The following ERAP1 variants were observed in gnomAD, a reference collection of about 807,000 sequenced individuals.
ERAP1 encodes the protein adipocyte-derived leucine aminopeptidase.
Under a neutral mutation model 103.7 loss-of-function variants are expected in ERAP1, and 86 were observed. The ratio of observed to expected loss-of-function variants is 0.83; its 90% CI spans 0.70 to 0.99. The LOEUF is 0.99. Among genes scored for constraint, ERAP1 ranks in the 50% least tolerant of loss-of-function variants. The pLI is 0.00. For synonymous variants in ERAP1, 398 were observed against 402.4 expected, an observed-to-expected ratio of 0.99 and a Z score of 0.13; for missense variants, 1,009 against 1,128.4, an observed-to-expected ratio of 0.89 and a Z score of 1.52.
chr5:96,859,386 G>A, the ERAP1 span, among the ~76,000 whole-genome samples: 1 of 152,112 alleles, frequency 6.6e-6, no homozygotes, highest in Non-Finnish European at 1.5e-5. Context: ...GTTGAGTTGA[G>A]GGAACAGTTC....
At chr5:96,891,439 A>G in the ERAP1 span, among the ~76,000 whole-genome samples, 1 of 150,032 alleles carries the variant, frequency 6.7e-6, no homozygotes, top group African/African-American at 2.5e-5. Context: ...ACAGGTACAT[A>G]TATATGTATA....
At chr5:96,811,231 C>T (rs1219529686), upstream of ERAP1, among the ~76,000 whole-genome samples, 4 of 152,106 alleles carry the variant, frequency 2.6e-5, no homozygotes, top group African/African-American at 9.7e-5. Flanking sequence ...TATTAATAAT[C>T]AGAAACAGGG....
the ERAP1 span, chr5:96,909,912 T>C: frequency 5.9e-5 from 42 of 715,738 alleles, no homozygotes; most frequent in Middle Eastern, 8.1e-4. Flanking sequence ...TGCTCTCACA[T>C]TGTAAGTGCT....
chr5:96,829,545 T>C, the ERAP1 span, among the ~76,000 whole-genome samples: 4 of 152,316 alleles, frequency 2.6e-5, no homozygotes, highest in East Asian at 7.7e-4. Flanking sequence ...CATTTTAGAG[T>C]CTGTGAATCC....
the ERAP1 span, among the ~76,000 whole-genome samples, chr5:96,877,037 C>A: frequency 6.6e-6 from 1 of 152,136 alleles, no homozygotes; most frequent in African/African-American, 2.4e-5. Flanking sequence ...TGCAGCAGCA[C>A]GATCTCGGCT....
In ERAP1 at chr5:96,786,727, C is replaced by T. The variant is rs34055703; in HGVS notation, c.1680-178G>A. ...TCCAGCTTTGTAGGGAGTGTCAGCTCGGGCACTATTTCCTTTTCTTGGACT... is the reference window on the plus strand; with the variant it reads ...TCCAGCTTTGTAGGGAGTGTCAGCTTGGGCACTATTTCCTTTTCTTGGACT... On this transcript the variant is annotated intron_variant, in intron 11 of 18. Coordinates refer to ENST00000443439, the MANE Select transcript of ERAP1 (RefSeq NM_001040458.3). 8.7e-3 allele frequency: 5,078 copies of T among 584,542 alleles called. 25 individuals carry two copies. The highest frequency in any genetic ancestry group is 0.012 in the Non-Finnish European group (3,780 of 326,424). The allele number at this position is 584,542 out of a possible 1,614,324, so 36.2% of individuals were successfully genotyped here.
Position 96,775,568 on chromosome 5 carries a change from A to AAAG in ERAP1, c.*825_*827dup, listed in dbSNP as rs137948607. The AAAG allele has an allele frequency of 1.4e-3, 1,350 of 957,146 alleles. 15 individuals are homozygous for AAAG. In the African/African-American group the frequency reaches 0.022, roughly 16 times the overall value. 59.3% of individuals were successfully genotyped at this position (957,146 alleles called of 1,614,324 possible). ...GAATTATCTGAGGAGGGTTCTATAA[A>AAAG]AAGATTTTTTGCAAAAGTGCGAGCA... is the stretch of plus-strand genomic sequence containing the variant. On this transcript the variant is annotated 3_prime_UTR_variant, in exon 19 of 19. Coordinates refer to ENST00000443439, the MANE Select transcript of ERAP1 (RefSeq NM_001040458.3).
chr5:96,810,966 A>C (rs1430247225), upstream of ERAP1, among the ~76,000 whole-genome samples: 2 of 152,202 alleles, frequency 1.3e-5, no homozygotes, highest in East Asian at 3.8e-4. Context: ...AGACAAAAGC[A>C]GGCCTGCTCT....
chr5:96,774,841 A>C lies in ERAP1; in HGVS notation c.*1555T>G. The stretch of plus-strand genomic sequence containing the variant: ...ATTTATTTGTTGTAGTGAATGGTTT[A>C]ATAAATGGCAGATTTATGTCCAGAA... On this transcript the variant is annotated 3_prime_UTR_variant, in exon 19 of 19. Coordinates refer to ENST00000443439, the MANE Select transcript of ERAP1 (RefSeq NM_001040458.3). 1 of 985,532 alleles carries C rather than the reference A, an allele frequency of 1.0e-6. No individual in the cohort carries two copies. The highest frequency in any genetic ancestry group is 1.2e-6 in the Non-Finnish European group (1 of 829,850). 61.0% of individuals were successfully genotyped at this position (985,532 alleles called of 1,614,324 possible).
the ERAP1 span, among the ~76,000 whole-genome samples, chr5:96,856,752 T>C: frequency 1.3e-5 from 2 of 152,226 alleles, no homozygotes; most frequent in African/African-American, 4.8e-5. Context: ...TAGTTGTCAC[T>C]GGGTCTCTGT....
intron 3 of ERAP1, among the ~76,000 whole-genome samples, chr5:96,798,096 C>T (rs897483201): frequency 2.6e-5 from 4 of 152,010 alleles, no homozygotes; most frequent in Non-Finnish European, 5.9e-5. Context: ...GAGGCCGAGG[C>T]GGGTGGATCA....
the ERAP1 span, among the ~76,000 whole-genome samples, chr5:96,840,069 T>A: frequency 6.6e-6 from 1 of 152,224 alleles, no homozygotes; most frequent in Non-Finnish European, 1.5e-5. Flanking sequence ...ATTCCTTGCA[T>A]ATAATACTTT....
At chr5:96,767,397 CAGATA>C in intron 19 of ERAP1, 1 of 1,546,564 alleles carries the variant, frequency 6.5e-7, no homozygotes, top group Non-Finnish European at 8.9e-7. Flanking sequence ...TAAACCTTTA[CAGATA>C]TCTATGCTTA....
At chr5:96,799,862 T>C (rs1374862819) in intron 3 of ERAP1, among the ~76,000 whole-genome samples, 2 of 152,214 alleles carry the variant, frequency 1.3e-5, no homozygotes, top group Non-Finnish European at 2.9e-5. Context: ...TTACAGAGGA[T>C]AGCCCTCTGG....
chr5:96,880,119 A>G, the ERAP1 span: 5 of 1,614,182 alleles, frequency 3.1e-6, no homozygotes, highest in South Asian at 4.4e-5. Flanking sequence ...TACCCTGCTC[A>G]TGAACAAATT....
At chr5:96,812,026 T>C (rs894371311), upstream of ERAP1, among the ~76,000 whole-genome samples, 1 of 152,268 alleles carries the variant, frequency 6.6e-6, no homozygotes. Context: ...TAAGTCACCA[T>C]GACATATTTC....
the ERAP1 span, among the ~76,000 whole-genome samples, chr5:96,849,454 G>C: frequency 6.6e-6 from 1 of 152,144 alleles, no homozygotes; most frequent in Admixed American, 6.5e-5. Flanking sequence ...AAAATCACTA[G>C]CATTTCCATA....
the ERAP1 span, among the ~76,000 whole-genome samples, chr5:96,853,132 C>G: frequency 2.6e-5 from 4 of 152,084 alleles, no homozygotes; most frequent in African/African-American, 9.7e-5. Flanking sequence ...TCAACAAATG[C>G]AGAATTAGGC....
At chr5:96,922,083 G>C in the ERAP1 span, among the ~76,000 whole-genome samples, 1 of 151,956 alleles carries the variant, frequency 6.6e-6, no homozygotes, top group Non-Finnish European at 1.5e-5. Context: ...CGGATCACAG[G>C]GTCAGGAGAT....
Sources: gnomAD v4.1 joint callset for allele counts (sites outside exome capture counted in the v4.1 genomes callset) on GRCh38, gnomAD v4.1.1 for gene constraint, MANE v1.5 for transcripts, NCBI Gene and HGNC (gene_info 2026-07-23, HGNC 2026-07-21) for gene names.